Variants in NECAB1 observed in about 807,000 individuals in gnomAD.
The protein encoded by NECAB1 is N-terminal EF-hand calcium binding protein 1.
Under a neutral mutation model 57.5 loss-of-function variants are expected in NECAB1, and 29 were observed. That is an observed-to-expected ratio of 0.50 (90% CI 0.38 to 0.69). The LOEUF (loss-of-function observed/expected upper bound fraction) is 0.69, where lower values mean the gene tolerates loss of function less well. Among genes scored for constraint, NECAB1 ranks in the 30% least tolerant of loss-of-function variants. NECAB1 has a pLI of 0.00. For synonymous variants in NECAB1, 142 were observed against 147.7 expected (o/e 0.96, Z 0.28); for missense variants, 372 against 413.8 (o/e 0.90, Z 0.88).
In NECAB1 at chr8:90,871,046, A is replaced by G. The variant is rs144399418; in HGVS notation, c.234-1082A>G. Among the ~76,000 whole-genome samples the G allele has an allele frequency of 2.1e-3, 316 of 152,122 alleles. 1 individual carries two copies. Among genetic ancestry groups the G allele is most frequent in the African/African-American group, 7.1e-3 (294 of 41,430 alleles). On this transcript the variant is annotated intron_variant, in intron 3 of 12. Transcript: ENST00000417640. ...GTGACAGAGTTCATAAAAGTACCCAATGTTTGGAATGTTTATACCAATGCC... is the reference window on the plus strand; with the variant it reads ...GTGACAGAGTTCATAAAAGTACCCAGTGTTTGGAATGTTTATACCAATGCC...
chr8:90,907,673 A>C (rs1476021009), intron 5 of NECAB1, among the ~76,000 whole-genome samples: 1 of 152,202 alleles, frequency 6.6e-6, no homozygotes, highest in Non-Finnish European at 1.5e-5. Flanking sequence ...GGTGTATAAA[A>C]TACCAAAATA....
chr8:90,933,966 T>C lies in NECAB1; in HGVS notation c.694-338T>C, dbSNP rs1403303388. On this transcript the variant is annotated intron_variant, in intron 8 of 12. Coordinates refer to ENST00000417640, the MANE Select transcript of NECAB1 (RefSeq NM_022351.5). ...AAATAAAGCAGACTGTTAGGCTTAG[T>C]CATTCTGTTTCCTTTTCTTTCGTTT... Among the ~76,000 whole-genome samples the C allele has an allele frequency of 2.0e-5, 3 of 152,174 alleles. No homozygotes were observed. The East Asian group carries it at 5.8e-4, about 29-fold the overall frequency.
intron 5 of NECAB1, among the ~76,000 whole-genome samples, chr8:90,888,845 G>A (rs1302420787): frequency 6.6e-6 from 1 of 152,172 alleles, no homozygotes; most frequent in Non-Finnish European, 1.5e-5. Context: ...CCTGTCAGTT[G>A]TGTAATAACA....
intron 1 of NECAB1, among the ~76,000 whole-genome samples, chr8:90,795,224 CTG>C (rs1811640646): frequency 6.6e-6 from 1 of 152,224 alleles, no homozygotes; most frequent in Non-Finnish European, 1.5e-5. Flanking sequence ...AACTCCGCTA[CTG>C]TGAAAAGGGA....
intron 8 of NECAB1, among the ~76,000 whole-genome samples, chr8:90,931,014 T>TTTTC (rs71560288): frequency 2.0e-5 from 3 of 151,540 alleles, no homozygotes; most frequent in Non-Finnish European, 2.9e-5. Flanking sequence ...GGCTCAAACT[T>TTTTC]ATGCCTTTTT....
At chr8:90,952,533 C>A (rs962780630) in intron 12 of NECAB1, among the ~76,000 whole-genome samples, 10 of 152,078 alleles carry the variant, frequency 6.6e-5, no homozygotes, top group African/African-American at 9.7e-5. Flanking sequence ...AATCCCAGCA[C>A]TTTGGGAGGC....
intron 3 of NECAB1, among the ~76,000 whole-genome samples, chr8:90,863,982 G>A (rs1403839549): frequency 1.3e-5 from 2 of 152,040 alleles, no homozygotes; most frequent in Admixed American, 6.6e-5. Flanking sequence ...CTCAAAGTGC[G>A]GGTCACAGAC....
chr8:90,836,649 T>C (rs1164954680), intron 3 of NECAB1, among the ~76,000 whole-genome samples: 5 of 152,200 alleles, frequency 3.3e-5, no homozygotes, highest in Admixed American at 6.5e-5. Context: ...TTTGTTTGAA[T>C]TGTGAATAGT....
At position 90,925,652 on chromosome 8, in the gene NECAB1, T is replaced by C; in HGVS notation, c.612T>C (p.Gly204=). The C allele has an allele frequency of 6.2e-7, 1 of 1,613,784 alleles. No homozygotes were observed. The highest frequency in any genetic ancestry group is 8.5e-7 in the Non-Finnish European group (1 of 1,179,774). The change falls in exon 7 of 13, where the codon GGT becomes GGC. Residue 204 remains glycine, a synonymous_variant. Transcript: ENST00000417640. ...ACAGCCCTCAGTTTAATGTCAGCGGTCCAGGTAACATACCCTTCATTTGTT... is the reference window on the plus strand; with the variant it reads ...ACAGCCCTCAGTTTAATGTCAGCGGCCCAGGTAACATACCCTTCATTTGTT... ...SPNSPQFNVS[G]PGLLEEDNQW...
intron 12 of NECAB1, among the ~76,000 whole-genome samples, chr8:90,953,794 C>T (rs1307032919): frequency 6.6e-6 from 1 of 152,070 alleles, no homozygotes; most frequent in African/African-American, 2.4e-5. Context: ...ATTAGCTGGG[C>T]GCTATGGCTC....
chr8:90,882,229 TGAGTG>T (rs1246355878), intron 5 of NECAB1, among the ~76,000 whole-genome samples: 3 of 152,132 alleles, frequency 2.0e-5, no homozygotes, highest in Non-Finnish European at 2.9e-5. Flanking sequence ...ATCAGAAAGA[TGAGTG>T]AGTAGGCTAG....
At position 90,959,115 on chromosome 8, in the gene NECAB1, G is replaced by A. The variant is rs1586158111; in HGVS notation, c.*3603G>A. 1.5e-5 allele frequency: 9 copies of A among 591,074 alleles called. No homozygotes were observed. The highest frequency in any genetic ancestry group is 4.6e-4 in the Middle Eastern group (1 of 2,194). 36.6% of individuals were successfully genotyped at this position (591,074 alleles called of 1,614,324 possible). On this transcript the variant is annotated 3_prime_UTR_variant, in exon 13 of 13. Transcript: ENST00000417640. ...GTTTATCAAACCAAATACTGTGAAC[G>A]TACCAGGTGTTTACAGATTTAAATG...
At chr8:90,941,840 C>G (rs1810677006) in intron 10 of NECAB1, among the ~76,000 whole-genome samples, 1 of 152,212 alleles carries the variant, frequency 6.6e-6, no homozygotes, top group Non-Finnish European at 1.5e-5. Context: ...GCCTCAAGTT[C>G]AGAGCCCAGG....
At chr8:90,865,163 T>G (rs1456659133) in intron 3 of NECAB1, among the ~76,000 whole-genome samples, 1 of 152,060 alleles carries the variant, frequency 6.6e-6, no homozygotes, top group Non-Finnish European at 1.5e-5. Flanking sequence ...AAGAAAAAAT[T>G]CAATCAGGAA....
At chr8:90,901,784 A>G (rs1018290149) in intron 5 of NECAB1, among the ~76,000 whole-genome samples, 2 of 152,282 alleles carry the variant, frequency 1.3e-5, no homozygotes, top group African/African-American at 4.8e-5. Flanking sequence ...GCTCTCTCAC[A>G]CTAACTTGAG....
chr8:90,796,760 C>T (rs1811667708), intron 1 of NECAB1, among the ~76,000 whole-genome samples: 1 of 152,186 alleles, frequency 6.6e-6, no homozygotes, highest in Admixed American at 6.5e-5. Flanking sequence ...ACTTGATTCT[C>T]ATCCGGAGTA....
At chr8:90,949,411 A>G (rs1810881242) in intron 10 of NECAB1, among the ~76,000 whole-genome samples, 1 of 152,152 alleles carries the variant, frequency 6.6e-6, no homozygotes, top group Non-Finnish European at 1.5e-5. Flanking sequence ...GATAGGGCCA[A>G]TCCTAACAGC....
At chr8:90,809,400 C>T (rs1344733529) in intron 2 of NECAB1, among the ~76,000 whole-genome samples, 2 of 152,192 alleles carry the variant, frequency 1.3e-5, no homozygotes, top group Non-Finnish European at 2.9e-5. Context: ...ATTAAAGCCT[C>T]CTTAATCTGG....
intron 2 of NECAB1, chr8:90,806,443 CAT>C (rs112865215): frequency 6.6e-6 from 1 of 152,132 alleles, no homozygotes; most frequent in African/African-American, 2.4e-5. Context: ...GAAATATAAT[CAT>C]ATATATAATT....
Sources: gnomAD v4.1 joint callset for allele counts (sites outside exome capture counted in the v4.1 genomes callset) on GRCh38, gnomAD v4.1.1 for gene constraint, MANE v1.5 for transcripts, NCBI Gene and HGNC (gene_info 2026-07-23, HGNC 2026-07-21) for gene names.